Variants in CLDN10 observed in about 807,000 individuals in gnomAD.
The protein encoded by CLDN10 is claudin-10.
A neutral mutation model predicts 22.9 loss-of-function variants in CLDN10; 15 were observed. That is an observed-to-expected ratio of 0.65 (90% CI 0.44 to 1.01). The LOEUF is 1.01. Among genes scored for constraint, CLDN10 ranks in the 50% least tolerant of loss-of-function variants. The pLI is 0.00. For missense variants in CLDN10, 247 were observed against 287.8 expected, an observed-to-expected ratio of 0.86 and a Z score of 1.03; for synonymous variants, 114 against 111.4, an observed-to-expected ratio of 1.02 and a Z score of -0.15.
At chr13:95,525,164 T>C (rs1356826045) in intron 1 of CLDN10, among the ~76,000 whole-genome samples, 2 of 152,176 alleles carry the variant, frequency 1.3e-5, no homozygotes, top group Non-Finnish European at 2.9e-5. Flanking sequence ...GGCCTATTTG[T>C]ACTCTTTTAA....
chr13:95,541,870 T>C (rs981774947), intron 1 of CLDN10, among the ~76,000 whole-genome samples: 2 of 152,220 alleles, frequency 1.3e-5, no homozygotes, highest in African/African-American at 2.4e-5. Flanking sequence ...GTATTCTATG[T>C]TTGTTACCTC....
At chr13:95,439,738 G>T (rs2042306892) in intron 1 of CLDN10, among the ~76,000 whole-genome samples, 1 of 152,014 alleles carries the variant, frequency 6.6e-6, no homozygotes, top group South Asian at 2.1e-4. Context: ...ATTATTTTGG[G>T]GGTTATGATT....
intron 1 of CLDN10, among the ~76,000 whole-genome samples, chr13:95,470,012 A>C (rs899503624): frequency 5.3e-5 from 8 of 152,160 alleles, no homozygotes; most frequent in Non-Finnish European, 1.2e-4. Flanking sequence ...CTCGATTATA[A>C]ATGTTGTCTG....
intron 1 of CLDN10, among the ~76,000 whole-genome samples, chr13:95,556,105 G>A (rs1253847190): frequency 6.6e-6 from 1 of 152,022 alleles, no homozygotes; most frequent in African/African-American, 2.4e-5. Flanking sequence ...GAGTGCCATG[G>A]CATGATCTCT....
chr13:95,575,080 C>T lies in CLDN10; in HGVS notation c.465-2151C>T, dbSNP rs117854636. On this transcript the variant is annotated intron_variant, in intron 3 of 4. Coordinates refer to ENST00000299339, the MANE Select transcript of CLDN10 (RefSeq NM_006984.5). ...AATCAACCATGGTATCTGGCACTGG[C>T]ATTCTATTTTAGTGAAGCTCAATAT... 4.9e-4 allele frequency among the ~76,000 whole-genome samples: 74 copies of T among 152,260 alleles called. 1 individual carries two copies. In the East Asian group the frequency reaches 0.013, roughly 26 times the overall value.
intron 1 of CLDN10, among the ~76,000 whole-genome samples, chr13:95,449,691 G>A (rs576875178): frequency 6.6e-6 from 1 of 151,646 alleles, no homozygotes; most frequent in East Asian, 1.9e-4. Context: ...TTTAGCCTCT[G>A]AGTAGCTGGG....
upstream of CLDN10, among the ~76,000 whole-genome samples, chr13:95,550,905 C>T (rs1204344316): frequency 7.4e-6 from 1 of 135,166 alleles, no homozygotes; most frequent in African/African-American, 2.8e-5. Flanking sequence ...GATCTCCTGA[C>T]TTCATGATCC....
intron 1 of CLDN10, among the ~76,000 whole-genome samples, chr13:95,495,098 C>T (rs911458660): frequency 1.3e-5 from 2 of 150,942 alleles, no homozygotes; most frequent in African/African-American, 4.9e-5. Context: ...TGCAGTGGTG[C>T]AATCTCAGCT....
intron 1 of CLDN10, among the ~76,000 whole-genome samples, chr13:95,527,939 C>T (rs2043302107): frequency 6.6e-6 from 1 of 152,054 alleles, no homozygotes; most frequent in Admixed American, 6.5e-5. Context: ...TATGCTGAAC[C>T]ATTGACCACT....
At chr13:95,458,603 G>C (rs368549848) in intron 1 of CLDN10, among the ~76,000 whole-genome samples, 1 of 152,086 alleles carries the variant, frequency 6.6e-6, no homozygotes, top group Non-Finnish European at 1.5e-5. Flanking sequence ...ATTACCAGAA[G>C]AGCATGGGGG....
chr13:95,573,475 C>G (rs867341929), intron 3 of CLDN10, among the ~76,000 whole-genome samples: 17 of 152,314 alleles, frequency 1.1e-4, no homozygotes, highest in African/African-American at 3.6e-4. Context: ...CACAAAAGAC[C>G]TGCAACAGAG....
At chr13:95,484,901 A>G (rs964975599) in intron 1 of CLDN10, among the ~76,000 whole-genome samples, 13 of 147,736 alleles carry the variant, frequency 8.8e-5, no homozygotes, top group African/African-American at 3.2e-4. Flanking sequence ...AAAAAGAAGC[A>G]GAGTGCAATA....
At chr13:95,505,751 T>C (rs2043031572) in intron 1 of CLDN10, among the ~76,000 whole-genome samples, 1 of 56,658 alleles carries the variant, frequency 1.8e-5, no homozygotes, top group Admixed American at 2.0e-4. Context: ...TTCCCTTTCT[T>C]TTTTTTTTTT....
intron 1 of CLDN10, among the ~76,000 whole-genome samples, chr13:95,504,051 A>G (rs1249135499): frequency 6.6e-6 from 1 of 152,236 alleles, no homozygotes; most frequent in Non-Finnish European, 1.5e-5. Flanking sequence ...ACATGGAATT[A>G]CAGGAAAATG....
rs552992593 is a variant in CLDN10, at chr13:95,486,135, G to A, written c.214+52088G>A. 3.2e-4 allele frequency among the ~76,000 whole-genome samples: 49 copies of A among 152,232 alleles called. 1 individual carries two copies. The highest frequency in any genetic ancestry group is 7.5e-4 in the African/African-American group (31 of 41,536). On this transcript the variant is annotated intron_variant, in intron 1 of 4. Coordinates refer to the CLDN10 transcript ENST00000376873. ...TTCCTGAGCCTTGCAGAATCAGCTCGCAATGGATGCTAGGCTTCTGTTGTG... is the reference window on the plus strand; with the variant it reads ...TTCCTGAGCCTTGCAGAATCAGCTCACAATGGATGCTAGGCTTCTGTTGTG...
At chr13:95,475,560 G>C (rs912841125) in intron 1 of CLDN10, among the ~76,000 whole-genome samples, 1 of 152,246 alleles carries the variant, frequency 6.6e-6, no homozygotes, top group Non-Finnish European at 1.5e-5. Context: ...AGGGAGGGAA[G>C]TGGCCAGCAG....
At chr13:95,479,529 T>C (rs2042721571) in intron 1 of CLDN10, 1 of 152,132 alleles carries the variant, frequency 6.6e-6, no homozygotes, top group African/African-American at 2.4e-5. Flanking sequence ...GTCATATTCT[T>C]CTCTGAGATG....
rs573388992 is a variant in CLDN10 at position 95,436,614 on chromosome 13, C to G, written c.214+2567C>G. ...GACAATGCTTCCCTAAGAACAAGTA[C>G]AATTAAATTAATATAATCTCTCTAC... On this transcript the variant is annotated intron_variant, in intron 1 of 4. Transcript: ENST00000376873. Among the ~76,000 whole-genome samples the G allele has an allele frequency of 5.9e-5, 9 of 152,280 alleles. 1 individual carries two copies. The highest frequency in any genetic ancestry group is 5.9e-4 in the Admixed American group (9 of 15,292).
At chr13:95,546,366 T>C (rs2043509731) in intron 1 of CLDN10, among the ~76,000 whole-genome samples, 1 of 152,142 alleles carries the variant, frequency 6.6e-6, no homozygotes, top group African/African-American at 2.4e-5. Flanking sequence ...GTGGTTCAGT[T>C]TCCTCTTCTG....
Sources: gnomAD v4.1 joint callset for allele counts (sites outside exome capture counted in the v4.1 genomes callset) on GRCh38, gnomAD v4.1.1 for gene constraint, MANE v1.5 for transcripts, NCBI Gene and HGNC (gene_info 2026-07-23, HGNC 2026-07-21) for gene names.